The following CALD1 variants were observed in gnomAD, a reference collection of about 807,000 sequenced individuals.
CALD1 encodes the protein caldesmon.
CALD1 carries 33 observed loss-of-function variants against 99.9 expected under a neutral mutation model. The observed-to-expected ratio is 0.33, with a 90% CI of 0.25 to 0.44. CALD1 has a LOEUF of 0.44. Ranked by LOEUF, CALD1 falls within the 20% of genes least tolerant of loss-of-function variation. The pLI is 1.00. For missense variants in CALD1, 861 were observed against 962.1 expected (o/e 0.89, Z 1.39); for synonymous variants, 310 against 325.0 (o/e 0.95, Z 0.50).
At chr7:134,881,525 G>A (rs952835372) in intron 3 of CALD1, among the ~76,000 whole-genome samples, 2 of 72,232 alleles carry the variant, frequency 2.8e-5, no homozygotes, top group Non-Finnish European at 2.8e-5. Flanking sequence ...AAATGTCATC[G>A]AAAGTATAAA....
intron 3 of CALD1, among the ~76,000 whole-genome samples, chr7:134,926,307 G>T (rs1805013895): frequency 1.3e-5 from 2 of 152,014 alleles, no homozygotes. Flanking sequence ...TTAATCAAAG[G>T]GCTGCAAATT....
At chr7:134,711,656 CTCTCTATA>C in the CALD1 span, among the ~76,000 whole-genome samples, 13 of 68,134 alleles carry the variant, frequency 1.9e-4, no homozygotes, top group African/African-American at 8.3e-4. Context: ...CTCTCTCTCT[CTCTCTATA>C]TATATATATA....
chr7:134,836,143 CA>C (rs377048601), intron 1 of CALD1, among the ~76,000 whole-genome samples: 11,604 of 68,600 alleles, frequency 0.17, 345 homozygotes, highest in African/African-American at 0.24. Flanking sequence ...GACTTCATCT[CA>C]AAAAAAAAAA....
intron 2 of CALD1, among the ~76,000 whole-genome samples, chr7:134,859,821 G>A (rs1181864629): frequency 6.6e-6 from 1 of 152,178 alleles, no homozygotes; most frequent in Non-Finnish European, 1.5e-5. Flanking sequence ...GTCTTCCTAA[G>A]TGTTGAAGTT....
intron 1 of CALD1, among the ~76,000 whole-genome samples, chr7:134,830,748 C>T (rs965101205): frequency 6.6e-6 from 1 of 152,152 alleles, no homozygotes; most frequent in Non-Finnish European, 1.5e-5. Context: ...GATCTCAAAC[C>T]AGATTTTTAA....
intron 3 of CALD1, among the ~76,000 whole-genome samples, chr7:134,872,945 G>A (rs1711758735): frequency 6.6e-6 from 1 of 152,142 alleles, no homozygotes; most frequent in African/African-American, 2.4e-5. Context: ...CATTTTGGGA[G>A]GCCAAGGCAG....
intron 1 of CALD1, among the ~76,000 whole-genome samples, chr7:134,788,539 T>C (rs1329569566): frequency 6.6e-6 from 1 of 152,234 alleles, no homozygotes; most frequent in Non-Finnish European, 1.5e-5. Flanking sequence ...ACATGCATAT[T>C]CATAATGTAT....
At chr7:134,951,575 G>T (rs971799841) in intron 9 of CALD1, among the ~76,000 whole-genome samples, 5 of 152,240 alleles carry the variant, frequency 3.3e-5, no homozygotes, top group Non-Finnish European at 7.3e-5. Context: ...ATTATTATGG[G>T]AGGAGGTGAA....
chr7:134,852,198 T>C (rs936877838), intron 2 of CALD1, among the ~76,000 whole-genome samples: 1 of 152,042 alleles, frequency 6.6e-6, no homozygotes, highest in Non-Finnish European at 1.5e-5. Context: ...GGGATAAAGA[T>C]AGGACTTGAG....
At chr7:134,763,495 C>T (rs1796796594) in intron 1 of CALD1, among the ~76,000 whole-genome samples, 3 of 152,150 alleles carry the variant, frequency 2.0e-5, no homozygotes, top group Admixed American at 2.0e-4. Context: ...AGCCATCTCT[C>T]CAGACTGGCC....
intron 3 of CALD1, among the ~76,000 whole-genome samples, chr7:134,877,118 C>T (rs972487188): frequency 2.0e-5 from 3 of 152,234 alleles, no homozygotes; most frequent in Non-Finnish European, 4.4e-5. Flanking sequence ...AGTGCTCATT[C>T]TGTTACCTCT....
At chr7:134,857,224 A>T (rs1182757207) in intron 2 of CALD1, among the ~76,000 whole-genome samples, 1 of 127,080 alleles carries the variant, frequency 7.9e-6, no homozygotes, top group Non-Finnish European at 1.5e-5. Context: ...GCTGGAGTGC[A>T]GTGGCGCGAT....
chr7:134,927,053 C>T (rs1009725796), intron 3 of CALD1, among the ~76,000 whole-genome samples: 3 of 152,150 alleles, frequency 2.0e-5, no homozygotes, highest in Admixed American at 2.0e-4. Context: ...CAGCTTCCTA[C>T]ACAATGCAGC....
chr7:134,712,179 C>T, the CALD1 span, among the ~76,000 whole-genome samples: 162 of 152,266 alleles, frequency 1.1e-3, 2 homozygotes, highest in Admixed American at 6.9e-3. Flanking sequence ...TTAGAGTACT[C>T]GTTTTCAGCA....
intron 13 of CALD1, among the ~76,000 whole-genome samples, chr7:134,964,731 A>G (rs1337307445): frequency 1.3e-5 from 2 of 152,142 alleles, no homozygotes; most frequent in African/African-American, 2.4e-5. Context: ...CAAATTAATC[A>G]TTTTTAAATA....
intron 3 of CALD1, among the ~76,000 whole-genome samples, chr7:134,875,624 C>T (rs543465099): frequency 2.0e-5 from 3 of 152,270 alleles, no homozygotes; most frequent in Non-Finnish European, 4.4e-5. Flanking sequence ...GCAACAAGAG[C>T]GAATGCTTTG....
At chr7:134,757,214 A>G (rs1796737766) in intron 1 of CALD1, among the ~76,000 whole-genome samples, 1 of 152,144 alleles carries the variant, frequency 6.6e-6, no homozygotes, top group South Asian at 2.1e-4. Context: ...GTGCAACTGA[A>G]TGAAAACTGC....
chr7:134,723,167 G>T, the CALD1 span, among the ~76,000 whole-genome samples: 1 of 152,200 alleles, frequency 6.6e-6, no homozygotes, highest in Non-Finnish European at 1.5e-5. Flanking sequence ...TTGAGTTTCA[G>T]TTCTTGCGTA....
intron 3 of CALD1, among the ~76,000 whole-genome samples, chr7:134,915,989 T>TG (rs750618393): frequency 2.2e-4 from 33 of 152,328 alleles, no homozygotes; most frequent in African/African-American, 5.5e-4. Context: ...CCATGAGCAG[T>TG]GGTTGACTGC....
Sources: allele counts gnomAD v4.1 joint callset (sites outside exome capture counted in the v4.1 genomes callset), GRCh38; gene constraint gnomAD v4.1.1; transcripts MANE v1.5; gene names NCBI Gene and HGNC (gene_info 2026-07-23, HGNC 2026-07-21).